CAVIN1: variants seen among roughly 807,000 people sequenced by gnomAD.
The protein encoded by CAVIN1 is caveolae-associated protein 1.
A neutral mutation model predicts 24.0 loss-of-function variants in CAVIN1; 16 were observed. The observed-to-expected ratio is 0.67, with a 90% CI of 0.45 to 1.01. The LOEUF (loss-of-function observed/expected upper bound fraction) is 1.01, where lower values mean the gene tolerates loss of function less well. Ranked by LOEUF, CAVIN1 falls within the 50% of genes least tolerant of loss-of-function variation. CAVIN1 has a pLI of 0.00. For synonymous variants in CAVIN1, 256 were observed against 256.4 expected (o/e 1.00, Z 0.02); for missense variants, 510 against 551.7 (o/e 0.92, Z 0.76).
chr17:42,406,995 G>C (rs1364530452), intron 1 of CAVIN1, among the ~76,000 whole-genome samples: 1 of 152,044 alleles, frequency 6.6e-6, no homozygotes, highest in Non-Finnish European at 1.5e-5. Flanking sequence ...TAGGATGGGT[G>C]GTCTCAGATT....
In CAVIN1 at chr17:42,405,176, G is replaced by A. The variant is rs1389448827; in HGVS notation, c.684C>T (p.Arg228=). The A allele has an allele frequency of 5.0e-6, 8 of 1,614,020 alleles. No homozygotes were observed. Among genetic ancestry groups the A allele is most frequent in the African/African-American group, 1.3e-5 (1 of 75,006 alleles). Residue 228 remains arginine (R), a synonymous_variant, in exon 2 of 2, where the codon CGC becomes CGT. Coordinates refer to ENST00000357037, the MANE Select transcript of CAVIN1 (RefSeq NM_012232.6). The stretch of plus-strand genomic sequence containing the variant: ...AGAAGGCCTTCTTGAAGTCGTCCAC[G>A]CGCCGCAGGCCGCTGCGCTTGATAC... ...AERIKRSGLR[R]VDDFKKAFSK... is the part of the protein sequence containing the mutation.
intron 1 of CAVIN1, among the ~76,000 whole-genome samples, chr17:42,420,125 G>A (rs1236186207): frequency 6.6e-6 from 1 of 151,718 alleles, no homozygotes; most frequent in Non-Finnish European, 1.5e-5. Flanking sequence ...CCCCTGTAGT[G>A]GGGAATACAG....
chr17:42,412,389 CTTTTTT>C, intron 1 of CAVIN1: 2 of 203,018 alleles, frequency 9.9e-6, no homozygotes, highest in Non-Finnish European at 1.5e-5. Flanking sequence ...AAATAAACCA[CTTTTTT>C]TTTTTTTTTT....
intron 1 of CAVIN1, among the ~76,000 whole-genome samples, chr17:42,419,918 T>TGTGTGTGTGTGTG (rs2085535086): frequency 6.7e-6 from 1 of 149,340 alleles, no homozygotes; most frequent in African/African-American, 2.5e-5. Flanking sequence ...TGTGTGTGTG[T>TGTGTGTGTGTGTG]TCAAATGCAA....
Position 42,404,939 on chromosome 17 carries a change from C to T in CAVIN1, c.921G>A (p.Val307=). The change falls in exon 2 of 2, where the codon GTG becomes GTA. Residue 307 remains valine (V), a synonymous_variant. Coordinates refer to ENST00000357037, the MANE Select transcript of CAVIN1 (RefSeq NM_012232.6). ...AGACCGCGGTCTTGGAGCGCGCGTA[C>T]ACCACGTGGTCGGGCGTGAAGGATT... ...LRKSFTPDHV[V]YARSKTAVYK... is the part of the protein sequence containing the mutation. 1 of 1,614,098 alleles carries T rather than the reference C, an allele frequency of 6.2e-7. No individual in the cohort carries two copies. The highest frequency in any genetic ancestry group is 8.5e-7 in the Non-Finnish European group (1 of 1,179,974).
At chr17:42,416,635 G>A (rs1026939841) in intron 1 of CAVIN1, among the ~76,000 whole-genome samples, 1 of 150,306 alleles carries the variant, frequency 6.7e-6, no homozygotes, top group Non-Finnish European at 1.5e-5. Context: ...GAGGAACCCA[G>A]GGATAGCATG....
chr17:42,419,882 CGTGTGTGT>C (rs5820458), intron 1 of CAVIN1, among the ~76,000 whole-genome samples: 36 of 143,754 alleles, frequency 2.5e-4, no homozygotes, highest in African/African-American at 4.9e-4. Flanking sequence ...TGCTGAATTT[CGTGTGTGT>C]GTGTGTGTGT....
At chr17:42,417,901 C>G (rs1290474352) in intron 1 of CAVIN1, among the ~76,000 whole-genome samples, 1 of 152,158 alleles carries the variant, frequency 6.6e-6, no homozygotes, top group Non-Finnish European at 1.5e-5. Flanking sequence ...CTCAAGTGAT[C>G]TACCTGCCTC....
At chr17:42,419,592 C>T (rs892349129) in intron 1 of CAVIN1, among the ~76,000 whole-genome samples, 1 of 152,058 alleles carries the variant, frequency 6.6e-6, no homozygotes, top group Non-Finnish European at 1.5e-5. Flanking sequence ...ATTACAGGCA[C>T]GAGCCACCTA....
intron 1 of CAVIN1, among the ~76,000 whole-genome samples, chr17:42,419,997 C>T (rs570993061): frequency 6.6e-6 from 1 of 151,612 alleles, no homozygotes; most frequent in East Asian, 1.9e-4. Flanking sequence ...CAAGGGATTC[C>T]CTCCTTTTCT....
chr17:42,423,147 G>T lies in CAVIN1; in HGVS notation c.-50C>A. 7.2e-7 allele frequency: 1 copy of T among 1,394,670 alleles called. No homozygotes were observed. Among genetic ancestry groups the T allele is most frequent in the Non-Finnish European group, 9.7e-7 (1 of 1,033,980 alleles). The allele number at this position is 1,394,670 out of a possible 1,614,324, so 86.4% of individuals were successfully genotyped here. A position where few individuals can be genotyped will look rare whatever the true frequency, so the allele number is the denominator to read the frequency against. On this transcript the variant is annotated 5_prime_UTR_variant, in exon 1 of 2. Transcript: ENST00000357037. ...GGCCGGGTGGGGCTGGAGCTGGAGC[G>T]GGAGACCCGGAGAGAAGCAGGAGCG... is the stretch of plus-strand genomic sequence containing the variant.
chr17:42,414,345 C>G (rs1328430823), intron 1 of CAVIN1, among the ~76,000 whole-genome samples: 1 of 152,128 alleles, frequency 6.6e-6, no homozygotes, highest in Non-Finnish European at 1.5e-5. Context: ...ACCCCTCCCT[C>G]TTGCTACCAC....
rs562920677 is a variant in CAVIN1, at chr17:42,416,758, C to T, written c.471+5869G>A. ...GAGGAAGGGATGTACTATGCATACTCTCCATGGCCGCTGGGTTTTAGGGAT... is the reference window on the plus strand; with the variant it reads ...GAGGAAGGGATGTACTATGCATACTTTCCATGGCCGCTGGGTTTTAGGGAT... On this transcript the variant is annotated intron_variant, in intron 1 of 1. Coordinates refer to ENST00000357037, the MANE Select transcript of CAVIN1 (RefSeq NM_012232.6). Among the ~76,000 whole-genome samples, 11 of 152,212 alleles carry T rather than the reference C, an allele frequency of 7.2e-5. No individual in the cohort carries two copies. The South Asian group carries it at 2.3e-3, about 32-fold the overall frequency.
In CAVIN1 at chr17:42,404,407, T is replaced by G; in HGVS notation, c.*280A>C. On this transcript the variant is annotated 3_prime_UTR_variant, in exon 2 of 2. Transcript: ENST00000357037. Reference sequence around the variant, plus strand: ...CAGGGGGGCCTAACCGTGGAATCACTGCAATTTCCTCTGAGATCCCGACTT... The same window carrying G: ...CAGGGGGGCCTAACCGTGGAATCACGGCAATTTCCTCTGAGATCCCGACTT... 3.2e-6 allele frequency: 1 copy of G among 313,314 alleles called. No individual in the cohort carries two copies. Among genetic ancestry groups the G allele is most frequent in the South Asian group, 8.6e-5 (1 of 11,640 alleles). 19.4% of individuals were successfully genotyped at this position (313,314 alleles called of 1,614,324 possible). A position where few individuals can be genotyped will look rare whatever the true frequency, so the allele number is the denominator to read the frequency against.
At chr17:42,411,777 G>A in intron 1 of CAVIN1, 2 of 985,408 alleles carry the variant, frequency 2.0e-6, no homozygotes, top group Non-Finnish European at 2.4e-6. Flanking sequence ...CAGCCTTCGG[G>A]TGCAGCTTAA....
chr17:42,405,499 TC>T, intron 1 of CAVIN1, 111 bp from the exon 2 acceptor site: 1 of 1,162,132 alleles, frequency 8.6e-7, no homozygotes, highest in Non-Finnish European at 1.3e-6. Context: ...ACGCTCGTGG[TC>T]CCCAGGAAAC....
rs1555586094 is a variant in CAVIN1, at chr17:42,405,692, T to TTTG, written c.472-305_472-304insCAA. On this transcript the variant is annotated intron_variant, in intron 1 of 1. Coordinates refer to ENST00000357037, the MANE Select transcript of CAVIN1 (RefSeq NM_012232.6). The stretch of plus-strand genomic sequence containing the variant: ...TCTCTCTCTCTCCTTGTTTTTTTTT[T>TTTG]TTTTTTTTTTTTTAAACGGAGTCTC... Among the ~76,000 whole-genome samples, 59 of 122,540 alleles carry TTTG rather than the reference T, an allele frequency of 4.8e-4. 1 individual carries two copies. Among genetic ancestry groups the TTTG allele is most frequent in the Middle Eastern group, 4.1e-3 (1 of 244 alleles). 80.4% of individuals were successfully genotyped at this position (122,540 alleles called of 152,430 possible). A position where few individuals can be genotyped will look rare whatever the true frequency, so the allele number is the denominator to read the frequency against.
chr17:42,406,285 G>A (rs531624121), intron 1 of CAVIN1, among the ~76,000 whole-genome samples: 8 of 152,064 alleles, frequency 5.3e-5, no homozygotes, highest in Non-Finnish European at 8.8e-5. Context: ...TGTCTAAGTT[G>A]AAAGCGGGTA....
rs1018537527 is a variant in CAVIN1, at chr17:42,404,546, C to G, written c.*141G>C. On this transcript the variant is annotated 3_prime_UTR_variant, in exon 2 of 2. Coordinates refer to ENST00000357037, the MANE Select transcript of CAVIN1 (RefSeq NM_012232.6). ...CCATCGGGTCCTAACAGCTCTAAGACTGGGAGTGGAGTTCCTGGAGGTGTG... is the reference window on the plus strand; with the variant it reads ...CCATCGGGTCCTAACAGCTCTAAGAGTGGGAGTGGAGTTCCTGGAGGTGTG... 1 of 576,974 alleles carries G rather than the reference C, an allele frequency of 1.7e-6. No homozygotes were observed. Among genetic ancestry groups the G allele is most frequent in the Non-Finnish European group, 2.8e-6 (1 of 352,432 alleles). 35.7% of individuals were successfully genotyped at this position (576,974 alleles called of 1,614,324 possible).
Sources: gnomAD v4.1 joint callset for allele counts (sites outside exome capture counted in the v4.1 genomes callset) on GRCh38, gnomAD v4.1.1 for gene constraint, MANE v1.5 for transcripts, NCBI Gene and HGNC (gene_info 2026-07-23, HGNC 2026-07-21) for gene names.